Variants in CCDC154 observed in about 807,000 individuals in gnomAD.
CCDC154 encodes coiled-coil domain-containing protein 154.
Under a neutral mutation model 87.5 loss-of-function variants are expected in CCDC154, and 91 were observed. The observed-to-expected ratio is 1.04, with a 90% CI of 0.88 to 1.24. CCDC154 has a LOEUF of 1.24. CCDC154 is among the 50% of genes most tolerant of loss of function. The pLI is 0.00. For missense variants in CCDC154, 903 were observed against 879.2 expected (o/e 1.03, Z -0.34); for synonymous variants, 418 against 400.4 (o/e 1.04, Z -0.52).
At chr16:1,437,035 G>A in intron 11 of CCDC154, 1 of 605,220 alleles carries the variant, frequency 1.7e-6, no homozygotes, top group East Asian at 2.9e-5. Flanking sequence ...CGTGGGGGCT[G>A]TTCCGACCAC....
intron 6 of CCDC154, among the ~76,000 whole-genome samples, chr16:1,440,175 C>T (rs1332787743): frequency 7.5e-6 from 1 of 132,566 alleles, no homozygotes; most frequent in Non-Finnish European, 1.6e-5. Context: ...AATGGCCGGG[C>T]GAGGTGGCTC....
rs754724539 is a variant in CCDC154 at position 1,442,486 on chromosome 16, G to A, written c.595C>T (p.Arg199Trp). The change falls in exon 6 of 17, where the codon CGG (arginine) becomes TGG (tryptophan). Residue 199 changes from arginine to tryptophan, a missense_variant. By Grantham distance (101) the Arg-to-Trp change is moderately radical. Transcript: ENST00000389176. The stretch of plus-strand genomic sequence containing the variant: ...TGCAGGGCGCCGCAGGCCACCTCCC[G>A]GCCCTGCTCCTCCTGCTGCAGCAAG... ...TDLLQQEEQGREVACGALQKN... is the reference protein window; with the variant it reads ...TDLLQQEEQGWEVACGALQKN... 26 of 1,549,168 alleles carry A rather than the reference G, an allele frequency of 1.7e-5. No individual in the cohort carries two copies. Among genetic ancestry groups the A allele is most frequent in the East Asian group, 4.9e-5 (2 of 40,798 alleles).
At chr16:1,443,164 C>T in intron 4 of CCDC154, 97 bp downstream of exon 4, 3 of 1,434,940 alleles carry the variant, frequency 2.1e-6, no homozygotes, top group East Asian at 2.5e-5. Flanking sequence ...TCCAGCGACA[C>T]CCAGCGGGAG....
intron 11 of CCDC154, 180 bp downstream of exon 11, chr16:1,437,637 G>A: frequency 1.4e-6 from 1 of 725,062 alleles, no homozygotes; most frequent in Non-Finnish European, 2.1e-6. Flanking sequence ...CGGCTGTCCT[G>A]CCCCACACAG....
rs555915700 is a variant in CCDC154, at chr16:1,443,605, G to C, written c.315C>G (p.Leu105=). Residue 105 remains leucine (L), a synonymous_variant, in exon 3 of 17, where the codon CTC becomes CTG. Coordinates refer to ENST00000389176, the MANE Select transcript of CCDC154 (RefSeq NM_001143980.3). ...GCAGCTGCACGCGGGCCCGCACCTG[G>C]AGCAGCTCCCGCAGCAGGCTCCGCG... ...RATRSLLREL[L]QVRARVQLQG... 8 of 1,439,650 alleles carry C rather than the reference G, an allele frequency of 5.6e-6. No individual in the cohort carries two copies. The highest frequency in any genetic ancestry group is 3.7e-5 in the South Asian group (3 of 80,138). 89.2% of individuals were successfully genotyped at this position (1,439,650 alleles called of 1,614,324 possible).
chr16:1,438,784 C>A (rs1439342131), intron 8 of CCDC154, 31 bp downstream of exon 8: 5 of 1,540,950 alleles, frequency 3.2e-6, no homozygotes. Flanking sequence ...CCGGCCCCGG[C>A]CCCACCTGCC....
chr16:1,434,471 C>T lies in CCDC154; in HGVS notation c.1941G>A (p.Leu647=), dbSNP rs573896176. The change falls in exon 17 of 17, where the codon CTG becomes CTA. Residue 647 remains leucine, a synonymous_variant. Transcript: ENST00000389176. Reference sequence around the variant, plus strand: ...CCTGCTCCTGGCTGTGGGGCTTCTCCAGGACCCCTCCTGGCCTCCGCAGGG... The same window carrying T: ...CCTGCTCCTGGCTGTGGGGCTTCTCTAGGACCCCTCCTGGCCTCCGCAGGG... ...LRALRRPGGV[L]EKPHSQEQVQ... 9.7e-5 allele frequency: 151 copies of T among 1,550,150 alleles called. 2 individuals are homozygous for T. The Middle Eastern group carries it at 2.4e-3, about 24-fold the overall frequency.
At position 1,438,876 on chromosome 16, in the gene CCDC154, CG is replaced by C; in HGVS notation, c.844del (p.Arg282GlyfsTer8). 1 of 1,549,328 alleles carries C rather than the reference CG, an allele frequency of 6.5e-7. No individual in the cohort carries two copies. The highest frequency in any genetic ancestry group is 8.7e-7 in the Non-Finnish European group (1 of 1,146,626). The stretch of plus-strand genomic sequence containing the variant: ...CATCAGCCCCCGAAGCTTCTCCCAC[CG>C]GCTCTCCAGCTCGCCCCGCAGGCTG... The part of the protein sequence containing the change: ...EGSLRGELES[R>X]WEKLRGLMEE... On this transcript the variant is annotated frameshift_variant, in exon 8 of 17. Transcript: ENST00000389176. LOFTEE classifies it high-confidence loss of function.
At position 1,438,681 on chromosome 16, in the gene CCDC154, G is replaced by A; in HGVS notation, c.963C>T (p.Thr321=). The change falls in exon 9 of 17, where the codon ACC becomes ACT. Residue 321 remains threonine (T), a synonymous_variant. Coordinates refer to ENST00000389176, the MANE Select transcript of CCDC154 (RefSeq NM_001143980.3). Reference sequence around the variant, plus strand: ...ACGCCTGGTTCTGCTGCACAAACTTGGTCAGCTGGGCCACGGCAGCATCCA... The same window carrying A: ...ACGCCTGGTTCTGCTGCACAAACTTAGTCAGCTGGGCCACGGCAGCATCCA... ...QGLDAAVAQL[T]KFVQQNQASL... The A allele has an allele frequency of 6.5e-7, 1 of 1,550,112 alleles. No individual in the cohort carries two copies. The highest frequency in any genetic ancestry group is 1.2e-5 in the South Asian group (1 of 84,062).
Position 1,442,389 on chromosome 16 carries a change from C to A in CCDC154, c.675+17G>T. ...GGCCCTCTGGGCGGCCCCCCTGAAG[C>A]CTGGGCCTGGTGGTACCTGCATTCT... On this transcript the variant is annotated intron_variant, in intron 6 of 16. Transcript: ENST00000389176. 6.5e-7 allele frequency: 1 copy of A among 1,539,670 alleles called. No homozygotes were observed. Among genetic ancestry groups the A allele is most frequent in the Non-Finnish European group, 8.8e-7 (1 of 1,141,786 alleles).
At chr16:1,437,182 T>C (rs1164860082) in intron 11 of CCDC154, 1 of 278,746 alleles carries the variant, frequency 3.6e-6, no homozygotes, top group Admixed American at 4.8e-5. Flanking sequence ...CAATGCACGT[T>C]ACGCCGCGGT....
At chr16:1,435,869 G>T in intron 14 of CCDC154, 100 bp downstream of exon 14, 1 of 1,002,452 alleles carries the variant, frequency 1.0e-6, no homozygotes. Flanking sequence ...GCTGGAAAAT[G>T]CCCCGTAGGC....
Position 1,436,462 on chromosome 16 carries a change from G to A in CCDC154, c.1470C>T (p.Ser490=), listed in dbSNP as rs987412939. ...GGCTGTACCTGGCCTTGCCTTCGGC[G>A]GAAATCCTGAGGTCTGAGTCGCTCT... The part of the protein sequence containing the change: ...LHKSDSDLRI[S]AEGKAREFKV... The change falls in exon 13 of 17, where the codon TCC becomes TCT. Residue 490 remains serine, a synonymous_variant. Coordinates refer to ENST00000389176, the MANE Select transcript of CCDC154 (RefSeq NM_001143980.3). 74 of 1,548,574 alleles carry A rather than the reference G, an allele frequency of 4.8e-5. No homozygotes were observed. The highest frequency in any genetic ancestry group is 5.4e-5 in the Non-Finnish European group (62 of 1,146,864).
chr16:1,436,204 C>T (rs1317419468), intron 13 of CCDC154, 118 bp from the exon 14 acceptor site: 1 of 910,762 alleles, frequency 1.1e-6, no homozygotes, highest in Non-Finnish European at 1.7e-6. Context: ...GGGGGCTCAG[C>T]CCTGTCACCC....
intron 13 of CCDC154, 120 bp from the exon 14 acceptor site, chr16:1,436,206 C>T (rs2038500377): frequency 1.1e-6 from 1 of 915,308 alleles, no homozygotes; most frequent in Non-Finnish European, 1.6e-6. Flanking sequence ...GGGCTCAGCC[C>T]TGTCACCCCT....
intron 6 of CCDC154, among the ~76,000 whole-genome samples, chr16:1,441,748 T>C (rs979337857): frequency 6.6e-6 from 1 of 151,956 alleles, no homozygotes. Flanking sequence ...AGCGCCCAGA[T>C]CTGCAGCTGC....
intron 4 of CCDC154, 25 bp downstream of exon 4, chr16:1,443,236 G>C: frequency 6.5e-7 from 1 of 1,546,942 alleles, no homozygotes; most frequent in Non-Finnish European, 8.7e-7. Flanking sequence ...CCCTGGGCCT[G>C]TGCCCCTAGG....
chr16:1,436,046 G>A lies in CCDC154; in HGVS notation c.1528C>T (p.Leu510=), dbSNP rs563424903. 258 of 1,550,340 alleles carry A rather than the reference G, an allele frequency of 1.7e-4. No individual in the cohort carries two copies. In the South Asian group the frequency reaches 1.8e-3, roughly 11 times the overall value. The part of the protein sequence containing the change: ...VGALRQELAT[L]LSSVQLLKED... ...TTTAGCAGCTGCACGGATGATAGTA[G>A]CGTGGCCAGCTCCTGCCGCAGGGCC... Residue 510 remains leucine, a synonymous_variant, in exon 14 of 17, where the codon CTA becomes TTA. Coordinates refer to ENST00000389176, the MANE Select transcript of CCDC154 (RefSeq NM_001143980.3).
At chr16:1,434,939 T>A in intron 15 of CCDC154, 87 bp from the exon 16 acceptor site, 1 of 1,428,176 alleles carries the variant, frequency 7.0e-7, no homozygotes, top group Non-Finnish European at 9.3e-7. Context: ...ACCGGGAGCC[T>A]GGAAGCCATT....
Sources: allele counts gnomAD v4.1 joint callset (sites outside exome capture counted in the v4.1 genomes callset), GRCh38; gene constraint gnomAD v4.1.1; transcripts MANE v1.5; gene names NCBI Gene and HGNC (gene_info 2026-07-23, HGNC 2026-07-21).